Variants in LOC128462377 observed in about 807,000 individuals in gnomAD.
chr16:89,415,133 T>C, the LOC128462377 span, among the ~76,000 whole-genome samples: 2 of 151,878 alleles, frequency 1.3e-5, no homozygotes, highest in Non-Finnish European at 2.9e-5. Context: ...TTTTTATTTT[T>C]TGTAGAGATG....
the LOC128462377 span, among the ~76,000 whole-genome samples, chr16:89,396,321 G>A: frequency 6.6e-6 from 1 of 152,090 alleles, no homozygotes; most frequent in African/African-American, 2.4e-5. Flanking sequence ...GCTGACCTGG[G>A]TCACCTCCAG....
the LOC128462377 span, among the ~76,000 whole-genome samples, chr16:89,401,102 T>G: frequency 2.3e-5 from 1 of 44,332 alleles, no homozygotes. Flanking sequence ...CCACCCGCCC[T>G]CCCCCTCCCC....
the LOC128462377 span, among the ~76,000 whole-genome samples, chr16:89,375,284 T>C: frequency 6.6e-6 from 1 of 152,176 alleles, no homozygotes; most frequent in Non-Finnish European, 1.5e-5. Flanking sequence ...TGTATCACAG[T>C]AAACAAATTA....
chr16:89,407,985 G>A, the LOC128462377 span, among the ~76,000 whole-genome samples: 5,919 of 151,938 alleles, frequency 0.039, 174 homozygotes, highest in East Asian at 0.13. Flanking sequence ...CATCTATAGC[G>A]AAGTGTGGAA....
At chr16:89,333,091 C>A in the LOC128462377 span, among the ~76,000 whole-genome samples, 1 of 152,186 alleles carries the variant, frequency 6.6e-6, no homozygotes, top group Non-Finnish European at 1.5e-5. Flanking sequence ...ACGCCTGCCC[C>A]CTGGTGTGAG....
At chr16:89,369,690 C>T in the LOC128462377 span, among the ~76,000 whole-genome samples, 1 of 152,206 alleles carries the variant, frequency 6.6e-6, no homozygotes, top group East Asian at 1.9e-4. Flanking sequence ...GACTGTGGGA[C>T]ACAGGCATCT....
At chr16:89,374,470 C>T in the LOC128462377 span, among the ~76,000 whole-genome samples, 1 of 152,322 alleles carries the variant, frequency 6.6e-6, no homozygotes, top group South Asian at 2.1e-4. Context: ...TACCACTAAT[C>T]GGCCCAGTAC....
the LOC128462377 span, among the ~76,000 whole-genome samples, chr16:89,369,268 A>T: frequency 6.6e-6 from 1 of 152,244 alleles, no homozygotes; most frequent in African/African-American, 2.4e-5. Context: ...GGTACGCCCG[A>T]GAAATGCCCA....
At chr16:89,323,356 G>A in the LOC128462377 span, 1 of 1,288,102 alleles carries the variant, frequency 7.8e-7, no homozygotes. Flanking sequence ...AGCACCACTG[G>A]CCTCTCACCT....
chr16:89,415,473 C>G, the LOC128462377 span, among the ~76,000 whole-genome samples: 1 of 147,988 alleles, frequency 6.8e-6, no homozygotes, highest in Admixed American at 6.7e-5. Flanking sequence ...ACCGTGTTAG[C>G]CAGGATGGTC....
the LOC128462377 span, among the ~76,000 whole-genome samples, chr16:89,322,503 G>C: frequency 1.6e-3 from 241 of 152,330 alleles, 2 homozygotes; most frequent in African/African-American, 5.6e-3. Flanking sequence ...TGGCCTCAGA[G>C]GCCCAGGAGG....
the LOC128462377 span, among the ~76,000 whole-genome samples, chr16:89,332,384 C>A: frequency 3.9e-5 from 6 of 152,280 alleles, no homozygotes; most frequent in East Asian, 9.7e-4. Flanking sequence ...AAACACTGAG[C>A]CCCCCAAGTC....
At chr16:89,393,290 CT>C in the LOC128462377 span, among the ~76,000 whole-genome samples, 3 of 151,256 alleles carry the variant, frequency 2.0e-5, no homozygotes, top group Non-Finnish European at 2.9e-5. Context: ...TTAGTTTCCT[CT>C]TTTTTTTACT....
chr16:89,384,832 C>T, the LOC128462377 span, among the ~76,000 whole-genome samples: 233 of 145,060 alleles, frequency 1.6e-3, no homozygotes, highest in African/African-American at 5.3e-3. Context: ...TGAGAACATA[C>T]GTGTGTAAGA....
chr16:89,354,988 G>C, the LOC128462377 span, among the ~76,000 whole-genome samples: 6 of 152,286 alleles, frequency 3.9e-5, no homozygotes, highest in Middle Eastern at 3.4e-3. Context: ...CCAAGTCCCA[G>C]GAAATGCACA....
the LOC128462377 span, among the ~76,000 whole-genome samples, chr16:89,317,910 G>A: frequency 1.3e-5 from 2 of 152,160 alleles, no homozygotes; most frequent in South Asian, 2.1e-4. Flanking sequence ...CCAAGTTCAC[G>A]CCCAGGCCAA....
chr16:89,417,528 A>C, the LOC128462377 span, among the ~76,000 whole-genome samples: 4 of 152,140 alleles, frequency 2.6e-5, no homozygotes, highest in Non-Finnish European at 5.9e-5. Context: ...TCCTCTCAAA[A>C]AACATGCCAG....
chr16:89,402,604 C>T, the LOC128462377 span, among the ~76,000 whole-genome samples: 5 of 149,216 alleles, frequency 3.4e-5, no homozygotes, highest in Middle Eastern at 3.4e-3. Context: ...ATTGGTTGAG[C>T]CTGGGAGTTC....
chr16:89,335,468 G>A, the LOC128462377 span, among the ~76,000 whole-genome samples: 206 of 152,312 alleles, frequency 1.4e-3, 2 homozygotes, highest in South Asian at 0.01. Flanking sequence ...CACCTAGCAC[G>A]CAGTACGCAG....
Sources: allele counts gnomAD v4.1 joint callset (sites outside exome capture counted in the v4.1 genomes callset), GRCh38; gene constraint gnomAD v4.1.1; transcripts MANE v1.5.